The following SEC14L1 variants were observed in gnomAD, a reference collection of about 807,000 sequenced individuals.
SEC14L1 encodes SEC14-like protein 1.
In SEC14L1, 48 loss-of-function variants were observed where a neutral mutation model predicts 85.3. The observed-to-expected ratio is 0.56, with a 90% CI of 0.45 to 0.72. The LOEUF (loss-of-function observed/expected upper bound fraction) is 0.72. Ranked by LOEUF, SEC14L1 falls within the 30% of genes least tolerant of loss-of-function variation. SEC14L1 has a pLI of 0.00. For missense variants in SEC14L1, 682 were observed against 921.4 expected (o/e 0.74, Z 3.36); for synonymous variants, 391 against 355.5 (o/e 1.10, Z -1.12).
intron 3 of SEC14L1, among the ~76,000 whole-genome samples, chr17:77,099,586 G>A (rs533000019): frequency 7.9e-5 from 12 of 152,202 alleles, no homozygotes; most frequent in South Asian, 2.1e-4. Context: ...GTGAAACCTC[G>A]TCTCTACTAA....
At chr17:77,100,729 G>A (rs1379043172) in intron 3 of SEC14L1, among the ~76,000 whole-genome samples, 4 of 151,904 alleles carry the variant, frequency 2.6e-5, no homozygotes, top group African/African-American at 7.3e-5. Flanking sequence ...GAGCCACCGC[G>A]CCCAGCCTGG....
At chr17:77,174,332 C>T (rs1974651814) in intron 3 of SEC14L1, among the ~76,000 whole-genome samples, 1 of 152,084 alleles carries the variant, frequency 6.6e-6, no homozygotes, top group Non-Finnish European at 1.5e-5. Flanking sequence ...TCAGGTCCCC[C>T]TTAGCGTTGG....
chr17:77,133,968 G>A (rs1225545849), intron 3 of SEC14L1, among the ~76,000 whole-genome samples: 2 of 149,530 alleles, frequency 1.3e-5, no homozygotes, highest in Non-Finnish European at 3.0e-5. Flanking sequence ...CTCTGGAAGC[G>A]AGGGGCACAG....
At chr17:77,092,373 T>G (rs1241086364) in intron 2 of SEC14L1, among the ~76,000 whole-genome samples, 1 of 152,104 alleles carries the variant, frequency 6.6e-6, no homozygotes, top group East Asian at 1.9e-4. Flanking sequence ...AAGGACATTT[T>G]CTGTTGAACC....
chr17:77,197,312 G>A (rs1258980517), intron 8 of SEC14L1, among the ~76,000 whole-genome samples: 3 of 152,210 alleles, frequency 2.0e-5, no homozygotes, highest in African/African-American at 7.2e-5. Context: ...GTGACACTCG[G>A]AACACGGCCT....
intron 3 of SEC14L1, among the ~76,000 whole-genome samples, chr17:77,101,208 G>T (rs185652155): frequency 2.3e-4 from 34 of 150,892 alleles, no homozygotes; most frequent in African/African-American, 7.6e-4. Flanking sequence ...ACAGAGTCTC[G>T]CCCTGTTGCT....
chr17:77,114,836 CAAAAAAAAA>C (rs35413326), intron 3 of SEC14L1, among the ~76,000 whole-genome samples: 1 of 66,836 alleles, frequency 1.5e-5, no homozygotes, highest in African/African-American at 6.4e-5. Flanking sequence ...ACTTCATCTC[CAAAAAAAAA>C]AAAAAAAAAA....
chr17:77,098,388 A>G (rs1018747149), intron 3 of SEC14L1, among the ~76,000 whole-genome samples: 2 of 152,028 alleles, frequency 1.3e-5, no homozygotes, highest in Non-Finnish European at 2.9e-5. Context: ...AATCCCAGCT[A>G]CTCGGGAGGC....
Position 77,206,465 on chromosome 17 carries a change from T to C in SEC14L1, c.1341+65T>C. The C allele has an allele frequency of 6.6e-7, 1 of 1,519,420 alleles. No homozygotes were observed. Among genetic ancestry groups the C allele is most frequent in the Non-Finnish European group, 9.0e-7 (1 of 1,112,274 alleles). The allele number at this position is 1,519,420 out of a possible 1,614,324, so 94.1% of individuals were successfully genotyped here. A position where few individuals can be genotyped will look rare whatever the true frequency, so the allele number is the denominator to read the frequency against. On this transcript the variant is annotated intron_variant, in intron 12 of 16. Coordinates refer to ENST00000436233, the MANE Select transcript of SEC14L1 (RefSeq NM_001143998.2). The surrounding 1 kb of genome is among the most constrained non-coding windows in gnomAD (Gnocchi z 4.3). ...GGAAAGCAGATAACATGCATTCATA[T>C]ACACGTGTCTGTGACCTAAAGTCTT...
At chr17:77,159,901 T>C (rs1457231792) in intron 3 of SEC14L1, among the ~76,000 whole-genome samples, 1 of 152,232 alleles carries the variant, frequency 6.6e-6, no homozygotes, top group Non-Finnish European at 1.5e-5. Context: ...ACTCCTGTGC[T>C]AAGGGAATGG....
chr17:77,184,429 C>G (rs1975175866), intron 3 of SEC14L1, among the ~76,000 whole-genome samples: 1 of 152,110 alleles, frequency 6.6e-6, no homozygotes, highest in Non-Finnish European at 1.5e-5. Flanking sequence ...GGCAATCCTT[C>G]TGTGTTGATT....
At chr17:77,112,621 C>T (rs944845751) in intron 3 of SEC14L1, among the ~76,000 whole-genome samples, 2 of 152,152 alleles carry the variant, frequency 1.3e-5, no homozygotes, top group Admixed American at 6.6e-5. Flanking sequence ...CGTGGTGGCT[C>T]ACACCTGTAA....
Position 77,214,064 on chromosome 17 carries a change from C to T in SEC14L1, c.*41C>T. 1.3e-6 allele frequency: 2 copies of T among 1,589,514 alleles called. No homozygotes were observed. Among genetic ancestry groups the T allele is most frequent in the Admixed American group, 3.5e-5 (2 of 57,526 alleles). On this transcript the variant is annotated 3_prime_UTR_variant, in exon 17 of 17. Transcript: ENST00000436233. The stretch of plus-strand genomic sequence containing the variant: ...ACCTAGTGTGCAGAGGGGACGGCCG[C>T]CCCTCCTCGGACAGCCAGCTGCACC...
At chr17:77,091,779 G>A (rs866411005) in intron 2 of SEC14L1, among the ~76,000 whole-genome samples, 1 of 152,144 alleles carries the variant, frequency 6.6e-6, no homozygotes, top group Middle Eastern at 3.4e-3. Flanking sequence ...GATTTCTCCT[G>A]GAGGTCTCCA....
At position 77,212,021 on chromosome 17, in the gene SEC14L1, G is replaced by A. The variant is rs1300533893; in HGVS notation, c.1683G>A (p.Val561=). The change falls in exon 15 of 17, where the codon GTG becomes GTA. Residue 561 remains valine, a synonymous_variant. Transcript: ENST00000436233. ...TCGACGTGTGCAAAGGGGACATTGT[G>A]TTTAACATCTATCACTCCAAGAGGT... The part of the protein sequence containing the change: ...WDFDVCKGDI[V]FNIYHSKRSP... 1 of 1,614,144 alleles carries A rather than the reference G, an allele frequency of 6.2e-7. No individual in the cohort carries two copies. The highest frequency in any genetic ancestry group is 2.2e-5 in the East Asian group (1 of 44,878).
chr17:77,191,155 C>T lies in SEC14L1; in HGVS notation c.214-26C>T, dbSNP rs140480030. The T allele has an allele frequency of 1.0e-4, 165 of 1,602,970 alleles. No homozygotes were observed. The East Asian group carries it at 3.6e-3, about 35-fold the overall frequency. ...TGCTATTGGTTGTTATTAATAAACC[C>T]ATTTCTCTTTCTTTTTTTTTTGAAG... On this transcript the variant is annotated intron_variant, in intron 4 of 16. Coordinates refer to ENST00000436233, the MANE Select transcript of SEC14L1 (RefSeq NM_001143998.2).
chr17:77,165,939 T>C (rs1227781479), intron 3 of SEC14L1, among the ~76,000 whole-genome samples: 1 of 152,216 alleles, frequency 6.6e-6, no homozygotes, highest in East Asian at 1.9e-4. Flanking sequence ...AAATGTTTAG[T>C]GTTTTAAACT....
At chr17:77,164,416 C>T (rs1974200671) in intron 3 of SEC14L1, among the ~76,000 whole-genome samples, 1 of 152,224 alleles carries the variant, frequency 6.6e-6, no homozygotes, top group South Asian at 2.1e-4. Flanking sequence ...TTCCCCCCAC[C>T]TCTTTTCCCT....
At chr17:77,202,862 T>C (rs1431732835) in intron 9 of SEC14L1, among the ~76,000 whole-genome samples, 1 of 150,512 alleles carries the variant, frequency 6.6e-6, no homozygotes, top group Non-Finnish European at 1.5e-5. Context: ...GAGGTTGCAG[T>C]GAGCTGAGAT....
Sources: gnomAD v4.1 joint callset for allele counts (sites outside exome capture counted in the v4.1 genomes callset) on GRCh38, gnomAD v4.1.1 for gene constraint, Gnocchi (gnomAD v3.1) non-coding constraint, MANE v1.5 for transcripts, NCBI Gene and HGNC (gene_info 2026-07-23, HGNC 2026-07-21) for gene names.